Variants in THSD4 observed in about 807,000 individuals in gnomAD.
THSD4 encodes thrombospondin type 1 domain containing 4.
THSD4 carries 69 observed loss-of-function variants against 119.0 expected under a neutral mutation model. That is an observed-to-expected ratio of 0.58 (90% CI 0.48 to 0.71). THSD4 has a LOEUF of 0.71. Ranked by LOEUF, THSD4 falls within the 30% of genes least tolerant of loss-of-function variation. THSD4 has a pLI of 0.00. For missense variants in THSD4, 1,393 were observed against 1,391.1 expected, an observed-to-expected ratio of 1.00 and a Z score of -0.02; for synonymous variants, 524 against 540.4, an observed-to-expected ratio of 0.97 and a Z score of 0.42.
At chr15:71,710,438 G>T (rs996279600) in intron 8 of THSD4, among the ~76,000 whole-genome samples, 1 of 152,210 alleles carries the variant, frequency 6.6e-6, no homozygotes, top group Non-Finnish European at 1.5e-5. Flanking sequence ...CCCAAATGGA[G>T]GAGGGCCAAG....
At chr15:71,292,996 A>G (rs548321076) in intron 6 of THSD4, among the ~76,000 whole-genome samples, 6 of 152,208 alleles carry the variant, frequency 3.9e-5, no homozygotes, top group African/African-American at 1.4e-4. Flanking sequence ...GGACTTTTGA[A>G]GTTCTTTTTA....
At chr15:71,206,089 G>A (rs908275957) in intron 3 of THSD4, among the ~76,000 whole-genome samples, 5 of 152,054 alleles carry the variant, frequency 3.3e-5, no homozygotes, top group Non-Finnish European at 7.4e-5. Context: ...GTTTCAAGTC[G>A]AAAGTCTCCT....
chr15:71,721,836 G>A (rs925768032), intron 8 of THSD4, among the ~76,000 whole-genome samples: 3 of 151,908 alleles, frequency 2.0e-5, no homozygotes, highest in Non-Finnish European at 4.4e-5. Flanking sequence ...AAGGGGCCAG[G>A]CATGATGGCT....
chr15:71,390,204 A>G (rs553822352), intron 6 of THSD4, among the ~76,000 whole-genome samples: 1 of 152,300 alleles, frequency 6.6e-6, no homozygotes, highest in African/African-American at 2.4e-5. Context: ...TATACCTACT[A>G]TCAAAAACCA....
Position 71,780,523 on chromosome 15 carries a change from C to T in THSD4, c.*3149C>T, listed in dbSNP as rs1051396396. ...GGCCTAAGAAATACAACTAAAAAAACAAACAAAAACACCAAAAGAAAAAAA... is the reference window on the plus strand; with the variant it reads ...GGCCTAAGAAATACAACTAAAAAAATAAACAAAAACACCAAAAGAAAAAAA... On this transcript the variant is annotated 3_prime_UTR_variant, in exon 18 of 18. Coordinates refer to ENST00000261862, the MANE Select transcript of THSD4 (RefSeq NM_024817.3). The T allele has an allele frequency of 3.3e-6, 1 of 305,160 alleles. No individual in the cohort carries two copies. The highest frequency in any genetic ancestry group is 6.6e-6 in the Non-Finnish European group (1 of 151,748). 18.9% of individuals were successfully genotyped at this position (305,160 alleles called of 1,614,324 possible). A position where few individuals can be genotyped will look rare whatever the true frequency, so the allele number is the denominator to read the frequency against.
In THSD4 at chr15:71,600,742, T is replaced by TG. The variant is rs1362437401; in HGVS notation, c.1153-59788_1153-59787insG. Among the ~76,000 whole-genome samples the TG allele has an allele frequency of 3.9e-3, 542 of 139,428 alleles. 4 individuals are homozygous for TG. Among genetic ancestry groups the TG allele is most frequent in the African/African-American group, 0.013 (517 of 38,576 alleles). The allele number at this position is 139,428 out of a possible 152,430, so 91.5% of individuals were successfully genotyped here. Reference sequence around the variant, plus strand: ...TTATCATGCCTGTCTTTTTTTTTCTTTCTTTCTTTTTTTTTTTGAGACAGA... The same window carrying TG: ...TTATCATGCCTGTCTTTTTTTTTCTTGTCTTTCTTTTTTTTTTTGAGACAGA... On this transcript the variant is annotated intron_variant, in intron 7 of 17. Coordinates refer to ENST00000261862, the MANE Select transcript of THSD4 (RefSeq NM_024817.3).
At chr15:71,275,566 A>G (rs1596308991) in intron 6 of THSD4, among the ~76,000 whole-genome samples, 1 of 152,322 alleles carries the variant, frequency 6.6e-6, no homozygotes, top group East Asian at 1.9e-4. Context: ...TAAATTACAC[A>G]TTCAGCCCAT....
intron 6 of THSD4, among the ~76,000 whole-genome samples, chr15:71,336,449 T>C (rs1035347050): frequency 1.3e-5 from 2 of 152,270 alleles, no homozygotes; most frequent in Non-Finnish European, 2.9e-5. Flanking sequence ...TCATTTTAAC[T>C]GTTAAGGGAA....
chr15:71,389,943 TACAG>T (rs2046354023), intron 6 of THSD4, among the ~76,000 whole-genome samples: 1 of 151,320 alleles, frequency 6.6e-6, no homozygotes, highest in African/African-American at 2.4e-5. Context: ...TAGCTGGGAC[TACAG>T]GCGCCCACCA....
chr15:71,423,708 C>G (rs954184009), intron 7 of THSD4, among the ~76,000 whole-genome samples: 6 of 152,200 alleles, frequency 3.9e-5, no homozygotes, highest in Admixed American at 1.3e-4. Flanking sequence ...TTCGTGCCCC[C>G]CAAGTCCACT....
chr15:71,706,430 C>CT (rs920350127), intron 8 of THSD4, among the ~76,000 whole-genome samples: 4 of 152,056 alleles, frequency 2.6e-5, no homozygotes, highest in African/African-American at 4.8e-5. Context: ...GGGGAAATCT[C>CT]TAACAGGTTG....
intron 7 of THSD4, among the ~76,000 whole-genome samples, chr15:71,592,510 C>T (rs553728341): frequency 4.1e-4 from 62 of 152,216 alleles, no homozygotes; most frequent in African/African-American, 1.5e-3. Flanking sequence ...ACCATGCCCT[C>T]CTGGGTAGTT....
chr15:71,417,113 T>A lies in THSD4; in HGVS notation c.1152+5290T>A, dbSNP rs2046769040. Among the ~76,000 whole-genome samples the A allele has an allele frequency of 1.9e-5, 2 of 106,646 alleles. 1 individual carries two copies. The highest frequency in any genetic ancestry group is 6.4e-5 in the African/African-American group (2 of 31,398). The allele number at this position is 106,646 out of a possible 152,430, so 70.0% of individuals were successfully genotyped here. On this transcript the variant is annotated intron_variant, in intron 7 of 17. Transcript: ENST00000261862. ...ATTTTTCCTATAGAGTTGTTTGAGC[T>A]ACTATATATTTTGGTTATTAATCCC...
At chr15:71,299,660 A>G (rs2140335473) in intron 6 of THSD4, among the ~76,000 whole-genome samples, 1 of 152,260 alleles carries the variant, frequency 6.6e-6, no homozygotes, top group African/African-American at 2.4e-5. Context: ...AATAACATAT[A>G]TTTCAAAATT....
chr15:71,727,567 TATATATATATATATATATATACACAC>T lies in THSD4; in HGVS notation c.1358-980_1358-955del, dbSNP rs1567121960. ...AAAAAAAAAAAAATATATATATATATATATATATATATATATATATACACACACACACACACACACACACACACACA... is the reference window on the plus strand; with the variant it reads ...AAAAAAAAAAAAATATATATATATATACACACACACACACACACACACACA... On this transcript the variant is annotated intron_variant, in intron 8 of 17. Coordinates refer to ENST00000261862, the MANE Select transcript of THSD4 (RefSeq NM_024817.3). Among the ~76,000 whole-genome samples, 9 of 91,954 alleles carry T rather than the reference TATATATATATATATATATATACACAC, an allele frequency of 9.8e-5. No individual in the cohort carries two copies. In the South Asian group the frequency reaches 2.5e-3, roughly 26 times the overall value. The allele number at this position is 91,954 out of a possible 152,430, so 60.3% of individuals were successfully genotyped here.
intron 7 of THSD4, among the ~76,000 whole-genome samples, chr15:71,660,047 C>A (rs969783834): frequency 1.3e-5 from 2 of 152,132 alleles, no homozygotes; most frequent in Non-Finnish European, 2.9e-5. Flanking sequence ...GTTCAGCTCC[C>A]AAACCATTTA....
chr15:71,287,466 G>C lies in THSD4; in HGVS notation c.1015+30751G>C, dbSNP rs534474892. On this transcript the variant is annotated intron_variant, in intron 6 of 17. Transcript: ENST00000261862. ...TAATGCTGATGTTCTTCCATTCTTT[G>C]ATATGCATGAGGATATTTTTAAATT... Among the ~76,000 whole-genome samples the C allele has an allele frequency of 5.3e-5, 8 of 151,506 alleles. No individual in the cohort carries two copies. In the South Asian group the frequency reaches 1.3e-3, roughly 24 times the overall value.
chr15:71,558,204 T>C (rs1042544414), intron 7 of THSD4, among the ~76,000 whole-genome samples: 2 of 152,154 alleles, frequency 1.3e-5, no homozygotes, highest in African/African-American at 4.8e-5. Flanking sequence ...GGCTGGCATC[T>C]GTAGTCCCAG....
chr15:71,447,118 G>GT lies in THSD4; in HGVS notation c.1152+35315dup, dbSNP rs1555414736. Among the ~76,000 whole-genome samples, 285 of 76,076 alleles carry GT rather than the reference G, an allele frequency of 3.7e-3. 18 individuals carry two copies. The highest frequency in any genetic ancestry group is 0.012 in the Middle Eastern group (1 of 82). The allele number at this position is 76,076 out of a possible 152,430, so 49.9% of individuals were successfully genotyped here. ...TTGCCCTCTTCCCTCCATTTTTTTT[G>GT]TTTTTTTTTTTTTTTTTTTTGGAGA... On this transcript the variant is annotated intron_variant, in intron 7 of 17. Transcript: ENST00000261862.
Sources: allele counts gnomAD v4.1 joint callset (sites outside exome capture counted in the v4.1 genomes callset), GRCh38; gene constraint gnomAD v4.1.1; transcripts MANE v1.5; gene names NCBI Gene and HGNC (gene_info 2026-07-23, HGNC 2026-07-21).